RTN1: variants seen among roughly 807,000 people sequenced by gnomAD.
RTN1 encodes reticulon 1.
Under a neutral mutation model 65.5 loss-of-function variants are expected in RTN1, and 25 were observed. The ratio of observed to expected loss-of-function variants is 0.38; its 90% CI spans 0.28 to 0.53. RTN1 has a LOEUF of 0.53. RTN1 is among the 20% of genes least tolerant of loss of function. The pLI is 0.79. For synonymous variants in RTN1, 471 were observed against 447.6 expected, an observed-to-expected ratio of 1.05 and a Z score of -0.66; for missense variants, 983 against 1,025.4, an observed-to-expected ratio of 0.96 and a Z score of 0.57.
rs1420608549 is a variant in RTN1, at chr14:59,825,647, C to T, written c.241+44743G>A. On this transcript the variant is annotated intron_variant, in intron 1 of 8. Coordinates refer to ENST00000267484, the MANE Select transcript of RTN1 (RefSeq NM_021136.3). This position sits in a 1 kb window ranked among gnomAD's most constrained non-coding sequence, Gnocchi z 4.2. ...GCCAGCCTAGTGCCACATCAAACCACGGAGTCCACACAAAGCACGGTGGCC... is the reference window on the plus strand; with the variant it reads ...GCCAGCCTAGTGCCACATCAAACCATGGAGTCCACACAAAGCACGGTGGCC... Among the ~76,000 whole-genome samples, 2 of 152,216 alleles carry T rather than the reference C, an allele frequency of 1.3e-5. No individual in the cohort carries two copies. Among genetic ancestry groups the T allele is most frequent in the Non-Finnish European group, 2.9e-5 (2 of 68,034 alleles).
chr14:59,805,061 G>C (rs1361145015), intron 1 of RTN1, among the ~76,000 whole-genome samples: 1 of 152,164 alleles, frequency 6.6e-6, no homozygotes, highest in African/African-American at 2.4e-5. Context: ...CCCGTCTTGA[G>C]GACTTTGCAC....
intron 3 of RTN1, among the ~76,000 whole-genome samples, chr14:59,702,092 C>T (rs2139448562): frequency 6.6e-6 from 1 of 152,170 alleles, no homozygotes; most frequent in South Asian, 2.1e-4. Context: ...TTAAGTTTTG[C>T]TTAGATAAGA....
intron 1 of RTN1, among the ~76,000 whole-genome samples, chr14:59,764,612 G>A (rs10135524): frequency 0.087 from 13,276 of 152,036 alleles, 1,795 homozygotes; most frequent in African/African-American, 0.29. Flanking sequence ...GTGAGCCATC[G>A]CGCCCAGCCG....
rs960299866 is a variant in RTN1 at position 59,765,932 on chromosome 14, T to C, written c.242-19451A>G. Among the ~76,000 whole-genome samples, 21 of 152,228 alleles carry C rather than the reference T, an allele frequency of 1.4e-4. No homozygotes were observed. In the East Asian group the frequency reaches 4.1e-3, roughly 29 times the overall value. On this transcript the variant is annotated intron_variant, in intron 1 of 8. Transcript: ENST00000267484. The stretch of plus-strand genomic sequence containing the variant: ...CAAAAGTCAGTTGCATTTGATGCTT[T>C]AAAAGAAAAAAACTTGGCTGGGCAT...
intron 3 of RTN1, among the ~76,000 whole-genome samples, chr14:59,609,942 A>G (rs1005006860): frequency 6.6e-6 from 1 of 152,248 alleles, no homozygotes; most frequent in Non-Finnish European, 1.5e-5. Context: ...ATTTGGAAAC[A>G]AATACATTAT....
chr14:59,727,108 G>A lies in RTN1; in HGVS notation c.1576C>T (p.Pro526Ser), dbSNP rs1185946773. 6.2e-7 allele frequency: 1 copy of A among 1,609,972 alleles called. No homozygotes were observed. Among genetic ancestry groups the A allele is most frequent in the African/African-American group, 1.3e-5 (1 of 74,860 alleles). ...LAEPGSFLDY[P>S]STEPQPGPEL... is the part of the protein sequence containing the mutation. ...GGGCCAGGCTGGGGCTCAGTTGAGG[G>A]GTAGTCGAGGAAGGAACCCGGCTCG... The change falls in exon 3 of 9, where the codon CCC becomes TCC. Residue 526 changes from proline (P) to serine (S), a missense_variant. Pro to Ser is a moderately conservative substitution (Grantham distance 74). Coordinates refer to ENST00000267484, the MANE Select transcript of RTN1 (RefSeq NM_021136.3). The surrounding 1 kb of genome is among the most constrained non-coding windows in gnomAD (Gnocchi z 4.2).
intron 3 of RTN1, among the ~76,000 whole-genome samples, chr14:59,645,719 C>A (rs1882880335): frequency 6.6e-6 from 1 of 152,194 alleles, no homozygotes; most frequent in Admixed American, 6.5e-5. Context: ...AGTGTCCATA[C>A]TGTTCTCCAC....
chr14:59,663,458 C>T (rs947694808), intron 3 of RTN1, among the ~76,000 whole-genome samples: 1 of 152,050 alleles, frequency 6.6e-6, no homozygotes, highest in Non-Finnish European at 1.5e-5. Flanking sequence ...AAAGCAATGG[C>T]AACAAAAGCA....
chr14:59,729,793 G>A (rs544061736), intron 2 of RTN1, among the ~76,000 whole-genome samples: 1 of 152,206 alleles, frequency 6.6e-6, no homozygotes, highest in South Asian at 2.1e-4. Flanking sequence ...TTCTTTCTCT[G>A]CCCTCTCCTG....
At chr14:59,692,464 A>G (rs1186865787) in intron 3 of RTN1, among the ~76,000 whole-genome samples, 2 of 152,346 alleles carry the variant, frequency 1.3e-5, no homozygotes. Context: ...GGAAGAATCA[A>G]TATCATCAAA....
chr14:59,780,588 A>G (rs1289539500), intron 1 of RTN1, among the ~76,000 whole-genome samples: 1 of 152,192 alleles, frequency 6.6e-6, no homozygotes, highest in Non-Finnish European at 1.5e-5. Flanking sequence ...AGAAAGCAAG[A>G]GCCAAGGTCT....
intron 2 of RTN1, among the ~76,000 whole-genome samples, chr14:59,742,355 T>G (rs1250043849): frequency 6.6e-6 from 1 of 152,206 alleles, no homozygotes; most frequent in African/African-American, 2.4e-5. Context: ...ATGGTGCTCC[T>G]GGTCAATGTC....
chr14:59,786,743 A>G (rs1886256689), intron 1 of RTN1, among the ~76,000 whole-genome samples: 1 of 152,224 alleles, frequency 6.6e-6, no homozygotes, highest in South Asian at 2.1e-4. Flanking sequence ...GCAGGCTAAC[A>G]TGTCATCATT....
rs549575960 is a variant in RTN1, at chr14:59,870,073, G to A, written c.241+317C>T. On this transcript the variant is annotated intron_variant, in intron 1 of 8. Coordinates refer to ENST00000267484, the MANE Select transcript of RTN1 (RefSeq NM_021136.3). The surrounding 1 kb of genome is among the most constrained non-coding windows in gnomAD (Gnocchi z 5.1). ...GCTCGGAGCCTCCTGGCAGGAGGGA[G>A]AAACTTGTACCCAGACTCGCCAGCA... Among the ~76,000 whole-genome samples the A allele has an allele frequency of 6.6e-6, 1 of 152,232 alleles. No individual in the cohort carries two copies. Among genetic ancestry groups the A allele is most frequent in the Non-Finnish European group, 1.5e-5 (1 of 68,030 alleles).
intron 3 of RTN1, among the ~76,000 whole-genome samples, chr14:59,723,449 A>T (rs183296635): frequency 0.042 from 6,413 of 151,406 alleles, 449 homozygotes; most frequent in African/African-American, 0.15. Flanking sequence ...CACTAAAAAA[A>T]AAAAAATACA....
intron 5 of RTN1, 75 bp from the exon 6 acceptor site, chr14:59,603,996 C>T (rs1881664841): frequency 8.6e-7 from 1 of 1,156,442 alleles, no homozygotes; most frequent in Non-Finnish European, 1.3e-6. Flanking sequence ...TTGACTTTTA[C>T]CTAGATTTGA....
intron 1 of RTN1, among the ~76,000 whole-genome samples, chr14:59,751,506 T>C (rs8021346): frequency 0.017 from 2,554 of 152,228 alleles, 73 homozygotes; most frequent in African/African-American, 0.059. Context: ...TATTTGGAAC[T>C]ATTTGCAGGT....
chr14:59,746,634 A>G (rs1820678736), intron 1 of RTN1, among the ~76,000 whole-genome samples, 153 bp from the exon 2 acceptor site: 1 of 152,138 alleles, frequency 6.6e-6, no homozygotes, highest in African/African-American at 2.4e-5. Context: ...GAGCACCAGC[A>G]TGTTAAATTT....
At chr14:59,863,403 T>C (rs1197591604) in intron 1 of RTN1, among the ~76,000 whole-genome samples, 1 of 152,166 alleles carries the variant, frequency 6.6e-6, no homozygotes. Flanking sequence ...CATTGTCAAA[T>C]CCAGTGGCTG....
Sources: gnomAD v4.1 joint callset for allele counts (sites outside exome capture counted in the v4.1 genomes callset) on GRCh38, gnomAD v4.1.1 for gene constraint, Gnocchi (gnomAD v3.1) non-coding constraint, MANE v1.5 for transcripts, NCBI Gene and HGNC (gene_info 2026-07-23, HGNC 2026-07-21) for gene names.